The following KIF6 variants were observed in gnomAD, a reference collection of about 807,000 sequenced individuals.
KIF6 encodes kinesin family member 6, also known as kinesin-like protein KIF6.
A neutral mutation model predicts 112.7 loss-of-function variants in KIF6; 106 were observed. The observed-to-expected ratio is 0.94, with a 90% CI of 0.80 to 1.11. KIF6 has a LOEUF of 1.11. Ranked by LOEUF, KIF6 falls within the 50% of genes least tolerant of loss-of-function variation. The pLI is 0.00. For missense variants in KIF6, 929 were observed against 964.0 expected (o/e 0.96, Z 0.48); for synonymous variants, 339 against 339.9 (o/e 1.00, Z 0.03).
intron 19 of KIF6, among the ~76,000 whole-genome samples, chr6:39,349,724 C>A (rs931301407): frequency 3.1e-4 from 44 of 140,974 alleles, no homozygotes; most frequent in Non-Finnish European, 3.8e-4. Context: ...CTCACTGCAA[C>A]CTCTACCTCC....
chr6:39,697,633 C>A (rs1788625032), intron 3 of KIF6, among the ~76,000 whole-genome samples: 1 of 151,948 alleles, frequency 6.6e-6, no homozygotes, highest in South Asian at 2.1e-4. Context: ...ACCTCCGCCT[C>A]CCAGGTTCAA....
chr6:39,670,401 G>A, intron 3 of KIF6, among the ~76,000 whole-genome samples: 1 of 152,014 alleles, frequency 6.6e-6, no homozygotes, highest in East Asian at 1.9e-4. Flanking sequence ...AACATAAATG[G>A]CCAATTTCCA....
chr6:39,542,802 T>A (rs57077164), intron 12 of KIF6, among the ~76,000 whole-genome samples: 11,285 of 152,274 alleles, frequency 0.074, 488 homozygotes, highest in Middle Eastern at 0.16. Flanking sequence ...GTCCTGCTCC[T>A]GAAGAGTAGA....
At chr6:39,372,757 C>T (rs1267425946) in intron 16 of KIF6, among the ~76,000 whole-genome samples, 1 of 152,208 alleles carries the variant, frequency 6.6e-6, no homozygotes, top group Non-Finnish European at 1.5e-5. Context: ...TTCTCCTGGG[C>T]AGGCTCCTGG....
chr6:39,637,879 T>C (rs1466396475), intron 4 of KIF6, among the ~76,000 whole-genome samples: 1 of 152,050 alleles, frequency 6.6e-6, no homozygotes, highest in East Asian at 1.9e-4. Context: ...TTTAGGATCA[T>C]TCAGAATGAA....
intron 15 of KIF6, among the ~76,000 whole-genome samples, chr6:39,419,387 GCA>G (rs898396515): frequency 1.3e-5 from 2 of 150,086 alleles, no homozygotes; most frequent in African/African-American, 4.9e-5. Flanking sequence ...AGAATTCGAG[GCA>G]CATTTTACTG....
chr6:39,337,066 T>TTC (rs1187147211), intron 22 of KIF6, among the ~76,000 whole-genome samples: 1 of 125,464 alleles, frequency 8.0e-6, no homozygotes, highest in African/African-American at 2.9e-5. Flanking sequence ...CTTTCTTTCT[T>TTC]TCTCTTTCCT....
At chr6:39,682,010 T>C (rs1787548187) in intron 3 of KIF6, among the ~76,000 whole-genome samples, 2 of 152,148 alleles carry the variant, frequency 1.3e-5, no homozygotes. Context: ...AACTTACTCA[T>C]TCCACAGATA....
chr6:39,544,480 G>A (rs1239071302), intron 12 of KIF6, 75 bp downstream of exon 12: 1 of 1,463,196 alleles, frequency 6.8e-7, no homozygotes, highest in Non-Finnish European at 9.1e-7. Context: ...TCAGCCATGT[G>A]GCTCAGGAAA....
intron 15 of KIF6, among the ~76,000 whole-genome samples, chr6:39,408,422 T>C (rs902796197): frequency 2.6e-5 from 4 of 152,188 alleles, no homozygotes; most frequent in African/African-American, 9.7e-5. Flanking sequence ...GCATGCACTG[T>C]TTGTAATAGA....
chr6:39,361,504 AGCCAAGATCACACCACTGCACT>A (rs1437112819), intron 17 of KIF6, among the ~76,000 whole-genome samples: 25 of 144,856 alleles, frequency 1.7e-4, no homozygotes, highest in African/African-American at 5.9e-4. Context: ...GTTTGCAGTG[AGCCAAGATCACACCACTGCACT>A]GCAGCCTGGG....
intron 6 of KIF6, among the ~76,000 whole-genome samples, chr6:39,609,822 T>G (rs1215364380): frequency 6.6e-6 from 1 of 152,158 alleles, no homozygotes; most frequent in Non-Finnish European, 1.5e-5. Context: ...CTCCCAAATT[T>G]AGCCTGAGCA....
intron 13 of KIF6, among the ~76,000 whole-genome samples, chr6:39,438,038 C>T (rs1011290541): frequency 6.6e-6 from 1 of 152,088 alleles, no homozygotes; most frequent in Admixed American, 6.6e-5. Flanking sequence ...AGTGCAGTGG[C>T]CTGATCTTGG....
chr6:39,375,839 C>T (rs1212456401), intron 16 of KIF6, among the ~76,000 whole-genome samples: 1 of 152,226 alleles, frequency 6.6e-6, no homozygotes. Flanking sequence ...CTGACCAATA[C>T]ACAGGGTGAA....
At chr6:39,480,110 G>A (rs1774701618) in intron 13 of KIF6, among the ~76,000 whole-genome samples, 1 of 152,056 alleles carries the variant, frequency 6.6e-6, no homozygotes, top group African/African-American at 2.4e-5. Context: ...GGTGAGAGTG[G>A]GCATCCTTGT....
intron 13 of KIF6, among the ~76,000 whole-genome samples, chr6:39,472,288 G>A (rs1774163496): frequency 6.6e-6 from 1 of 151,778 alleles, no homozygotes; most frequent in South Asian, 2.1e-4. Flanking sequence ...TTCATGCCAG[G>A]CTTCTCTTCT....
intron 16 of KIF6, among the ~76,000 whole-genome samples, chr6:39,372,535 A>G (rs983860276): frequency 4.6e-5 from 7 of 152,216 alleles, no homozygotes; most frequent in African/African-American, 1.4e-4. Flanking sequence ...TTTTTATTTG[A>G]TCTATGAAGC....
chr6:39,453,439 A>G (rs976375627), intron 13 of KIF6, among the ~76,000 whole-genome samples: 6 of 152,222 alleles, frequency 3.9e-5, no homozygotes, highest in Admixed American at 2.0e-4. Flanking sequence ...AGAAGATACC[A>G]TAAGCTGCAT....
At chr6:39,625,796 G>A (rs1784061698) in intron 5 of KIF6, among the ~76,000 whole-genome samples, 1 of 152,158 alleles carries the variant, frequency 6.6e-6, no homozygotes, top group South Asian at 2.1e-4. Context: ...GACACAAGGA[G>A]GGTCCAAAGT....
Sources: allele counts gnomAD v4.1 joint callset (sites outside exome capture counted in the v4.1 genomes callset), GRCh38; gene constraint gnomAD v4.1.1; transcripts MANE v1.5; gene names NCBI Gene and HGNC (gene_info 2026-07-23, HGNC 2026-07-21).